EXT1: variants seen among roughly 807,000 people sequenced by gnomAD.
EXT1 encodes exostosin-1.
A neutral mutation model predicts 82.5 loss-of-function variants in EXT1; 20 were observed. The observed-to-expected ratio is 0.24, with a 90% CI of 0.17 to 0.35. The LOEUF is 0.35. EXT1 is among the 10% of genes least tolerant of loss of function. EXT1 has a pLI of 1.00. For synonymous variants in EXT1, 348 were observed against 350.8 expected (o/e 0.99, Z 0.09); for missense variants, 757 against 936.5 (o/e 0.81, Z 2.50).
At chr8:117,994,305 A>G (rs1434452930) in intron 1 of EXT1, among the ~76,000 whole-genome samples, 1 of 152,154 alleles carries the variant, frequency 6.6e-6, no homozygotes, top group African/African-American at 2.4e-5. Context: ...AGATTTGGAA[A>G]ATCTTCATTA....
chr8:117,926,323 C>T (rs1813952137), intron 1 of EXT1, among the ~76,000 whole-genome samples: 1 of 152,182 alleles, frequency 6.6e-6, no homozygotes, highest in South Asian at 2.1e-4. Context: ...CTGACCATTG[C>T]TTTACAGCCT....
intron 1 of EXT1, among the ~76,000 whole-genome samples, chr8:118,002,223 A>G (rs1204679758): frequency 6.6e-6 from 1 of 151,956 alleles, no homozygotes; most frequent in Non-Finnish European, 1.5e-5. Context: ...TATATTTAAT[A>G]TATTAGTTGT....
chr8:117,834,987 C>A (rs956559062), intron 3 of EXT1, among the ~76,000 whole-genome samples: 2 of 152,274 alleles, frequency 1.3e-5, no homozygotes, highest in Non-Finnish European at 2.9e-5. Flanking sequence ...AAAGATAACA[C>A]TCGCTCAGAC....
At chr8:118,075,250 G>A (rs1817186111) in intron 1 of EXT1, among the ~76,000 whole-genome samples, 1 of 152,214 alleles carries the variant, frequency 6.6e-6, no homozygotes, top group South Asian at 2.1e-4. Flanking sequence ...TCTGACAAGG[G>A]ACAGTATCTG....
At chr8:117,860,565 A>G (rs944931113) in intron 1 of EXT1, among the ~76,000 whole-genome samples, 6 of 152,248 alleles carry the variant, frequency 3.9e-5, no homozygotes, top group African/African-American at 1.4e-4. Flanking sequence ...TACATAGATA[A>G]TCTTTGCCAG....
At chr8:117,818,881 GAGATAACAACTCTGAT>G in intron 6 of EXT1, among the ~76,000 whole-genome samples, 1 of 152,298 alleles carries the variant, frequency 6.6e-6, no homozygotes, top group South Asian at 2.1e-4. Context: ...GATGGTGTGT[GAGATAACAACTCTGAT>G]CAAATTAAAT....
At chr8:117,827,813 AAATCT>A (rs1812032158) in intron 4 of EXT1, among the ~76,000 whole-genome samples, 1 of 150,276 alleles carries the variant, frequency 6.7e-6, no homozygotes, top group Non-Finnish European at 1.5e-5. Context: ...AAAAAAAAAA[AAATCT>A]TAACATTTGG....
chr8:118,041,242 C>T (rs1816521133), intron 1 of EXT1, among the ~76,000 whole-genome samples: 1 of 152,194 alleles, frequency 6.6e-6, no homozygotes, highest in African/African-American at 2.4e-5. Context: ...AACTAGGCAT[C>T]AGAAAGCAGA....
At chr8:117,883,138 A>G (rs1319720204) in intron 1 of EXT1, among the ~76,000 whole-genome samples, 1 of 152,204 alleles carries the variant, frequency 6.6e-6, no homozygotes, top group African/African-American at 2.4e-5. Flanking sequence ...CATACTCAAT[A>G]TTCAGTGAGG....
intron 1 of EXT1, among the ~76,000 whole-genome samples, chr8:117,906,790 T>A (rs1813551602): frequency 6.6e-6 from 1 of 152,182 alleles, no homozygotes; most frequent in Non-Finnish European, 1.5e-5. Context: ...TTACACCTAT[T>A]TTAAGGAGAA....
chr8:117,865,329 G>A (rs1016014075), intron 1 of EXT1, among the ~76,000 whole-genome samples: 2 of 152,076 alleles, frequency 1.3e-5, no homozygotes, highest in Non-Finnish European at 2.9e-5. Context: ...CACCAAATCT[G>A]CCTAATTTTT....
chr8:117,799,727 G>A lies in EXT1; in HGVS notation c.2226C>T (p.Asp742=). The change falls in exon 11 of 11, where the codon GAC becomes GAT. Residue 742 remains aspartate (D), a synonymous_variant. Transcript: ENST00000378204. ...QVSILRKKYR[D]IERL ...GCCGGATTCCTCAAAGTCGCTCAAT[G>A]TCTCGGTATTTCTTCCTCAAAATAG... The A allele has an allele frequency of 6.2e-7, 1 of 1,614,098 alleles. No individual in the cohort carries two copies. Among genetic ancestry groups the A allele is most frequent in the East Asian group, 2.2e-5 (1 of 44,876 alleles).
At chr8:117,929,979 A>G (rs113041526) in intron 1 of EXT1, among the ~76,000 whole-genome samples, 20 of 152,208 alleles carry the variant, frequency 1.3e-4, no homozygotes, top group Non-Finnish European at 2.5e-4. Flanking sequence ...ATGGTGGCAG[A>G]TGCCTGTAAT....
At chr8:118,016,626 G>A (rs1004790688) in intron 1 of EXT1, among the ~76,000 whole-genome samples, 4 of 152,152 alleles carry the variant, frequency 2.6e-5, no homozygotes, top group African/African-American at 9.7e-5. Flanking sequence ...ACTTTGTCCC[G>A]GCTGCAGTAA....
chr8:118,079,603 A>G (rs1022797786), intron 1 of EXT1, among the ~76,000 whole-genome samples: 1 of 152,202 alleles, frequency 6.6e-6, no homozygotes, highest in African/African-American at 2.4e-5. Flanking sequence ...CTCATCACCA[A>G]GGAGAAACAT....
At chr8:117,898,567 A>G (rs1165361524) in intron 1 of EXT1, among the ~76,000 whole-genome samples, 1 of 152,234 alleles carries the variant, frequency 6.6e-6, no homozygotes, top group Non-Finnish European at 1.5e-5. Flanking sequence ...GTTGAATTCG[A>G]ACTTATTTTC....
chr8:117,833,051 A>C (rs1812127661), intron 3 of EXT1, among the ~76,000 whole-genome samples: 1 of 152,238 alleles, frequency 6.6e-6, no homozygotes, highest in South Asian at 2.1e-4. Context: ...CAGCTGTTCT[A>C]AAACAGGAAA....
At chr8:117,921,754 T>A (rs140538567) in intron 1 of EXT1, among the ~76,000 whole-genome samples, 2 of 152,346 alleles carry the variant, frequency 1.3e-5, no homozygotes, top group African/African-American at 4.8e-5. Context: ...ATTCTATTTC[T>A]ATGTCTATGA....
At chr8:118,030,945 T>C (rs1816304251) in intron 1 of EXT1, among the ~76,000 whole-genome samples, 1 of 152,178 alleles carries the variant, frequency 6.6e-6, no homozygotes, top group South Asian at 2.1e-4. Flanking sequence ...AAAGGTCCTT[T>C]TAAGGTGATC....
Sources: gnomAD v4.1 joint callset for allele counts (sites outside exome capture counted in the v4.1 genomes callset) on GRCh38, gnomAD v4.1.1 for gene constraint, MANE v1.5 for transcripts, NCBI Gene and HGNC (gene_info 2026-07-23, HGNC 2026-07-21) for gene names.